CCDC57: variants seen among roughly 807,000 people sequenced by gnomAD.
CCDC57 encodes coiled-coil domain containing 57.
Under a neutral mutation model 118.9 loss-of-function variants are expected in CCDC57, and 118 were observed. That is an observed-to-expected ratio of 0.99 (90% confidence interval 0.86 to 1.16). The LOEUF (loss-of-function observed/expected upper bound fraction) is 1.16, where lower values mean the gene tolerates loss of function less well. Ranked by LOEUF, CCDC57 falls within the 50% of genes most tolerant of loss-of-function variation. The pLI is 0.00. For missense variants in CCDC57, 1,300 were observed against 1,320.7 expected (o/e 0.98, Z 0.24); for synonymous variants, 527 against 532.9 (o/e 0.99, Z 0.15).
chr17:82,179,950 A>G (rs552489814), intron 9 of CCDC57, among the ~76,000 whole-genome samples: 1 of 152,326 alleles, frequency 6.6e-6, no homozygotes, highest in Non-Finnish European at 1.5e-5. Flanking sequence ...GGGGCCACAC[A>G]CTGGGGGCAG....
chr17:82,201,716 C>G, exon 3 of CCDC57: 2 of 1,613,896 alleles, frequency 1.2e-6, no homozygotes, highest in Non-Finnish European at 1.7e-6. Flanking sequence ...TGGGCGAAGG[C>G]GGCGTCATAG....
rs79081259 is a variant in CCDC57, at chr17:82,179,258, C to T, written c.1212-69G>A. The T allele has an allele frequency of 1.9e-3, 2,899 of 1,536,324 alleles. 50 individuals carry two copies. The African/African-American group carries it at 0.035, about 19-fold the overall frequency. On this transcript the variant is annotated intron_variant, in intron 9 of 19. Coordinates refer to ENST00000665763, the Ensembl canonical transcript of CCDC57. ...CCCTTCCACAGGAAAAGCAGAGGCA[C>T]GATGGGAAAGGCAGGGCTGCCGCTG... is the stretch of plus-strand genomic sequence containing the variant.
chr17:82,120,363 T>C (rs1363614852), intron 19 of CCDC57, among the ~76,000 whole-genome samples: 1 of 152,062 alleles, frequency 6.6e-6, no homozygotes, highest in Non-Finnish European at 1.5e-5. Context: ...TGGAACACGT[T>C]TAAAAAAGAG....
rs112737552 is a variant in CCDC57, at chr17:82,186,655, G to T, written c.1052+1564C>A. Among the ~76,000 whole-genome samples the T allele has an allele frequency of 2.0e-4, 31 of 152,278 alleles. 2 individuals carry two copies. The highest frequency in any genetic ancestry group is 7.2e-4 in the African/African-American group (30 of 41,542). ...TTAAACAGAAATACAATTTGTCAGA[G>T]AATTCTCTATCGGTGGTGGCTCATG... On this transcript the variant is annotated intron_variant, in intron 8 of 19. Coordinates refer to ENST00000665763, the Ensembl canonical transcript of CCDC57.
At chr17:82,108,342 C>A (rs987441734) in intron 19 of CCDC57, among the ~76,000 whole-genome samples, 3 of 152,226 alleles carry the variant, frequency 2.0e-5, no homozygotes, top group African/African-American at 7.2e-5. Context: ...CCGGGCTGTT[C>A]TTGCTCCTCG....
intron 2 of CCDC57, among the ~76,000 whole-genome samples, chr17:82,203,053 C>G (rs1019915057): frequency 3.3e-5 from 5 of 152,190 alleles, no homozygotes; most frequent in Admixed American, 3.3e-4. Context: ...TAATCCCCAA[C>G]GGGGGAGCTG....
At chr17:82,116,553 G>A (rs760684026) in intron 19 of CCDC57, among the ~76,000 whole-genome samples, 25 of 152,066 alleles carry the variant, frequency 1.6e-4, no homozygotes, top group Non-Finnish European at 2.4e-4. Context: ...GACATGCTTG[G>A]CCCTCCCCCT....
chr17:82,128,758 C>G (rs2037863915), intron 17 of CCDC57, among the ~76,000 whole-genome samples, 161 bp from the exon 17 acceptor site: 2 of 152,156 alleles, frequency 1.3e-5, no homozygotes, highest in South Asian at 4.1e-4. Flanking sequence ...GACCTGTTTC[C>G]CAGACAGGAG....
intron 15 of CCDC57, chr17:82,154,355 G>C (rs553431620): frequency 3.3e-5 from 5 of 152,390 alleles, no homozygotes; most frequent in African/African-American, 1.2e-4. Context: ...ACCAGCTTTC[G>C]TCAGGAGTGC....
chr17:82,124,177 AG>A (rs1409027133), intron 19 of CCDC57, among the ~76,000 whole-genome samples: 2 of 152,174 alleles, frequency 1.3e-5, no homozygotes, highest in East Asian at 3.9e-4. Context: ...CTCTAAGGCA[AG>A]GGTACACCCT....
chr17:82,188,801 G>A (rs1459669289), intron 7 of CCDC57, among the ~76,000 whole-genome samples: 2 of 152,238 alleles, frequency 1.3e-5, no homozygotes, highest in South Asian at 4.1e-4. Flanking sequence ...CAGCCAGCCA[G>A]GTCTACGGAG....
exon 20 of CCDC57, chr17:82,101,603 C>T (rs1431574227): frequency 2.4e-6 from 3 of 1,248,866 alleles, no homozygotes; most frequent in Admixed American, 4.5e-5. Flanking sequence ...CCACACCCCC[C>T]CACAACACGT....
intron 9 of CCDC57, among the ~76,000 whole-genome samples, chr17:82,180,946 A>C (rs1209122969): frequency 6.6e-6 from 1 of 152,236 alleles, no homozygotes; most frequent in Non-Finnish European, 1.5e-5. Context: ...TGCGGGGCTG[A>C]GGCCCCTCAG....
intron 13 of CCDC57, among the ~76,000 whole-genome samples, chr17:82,164,867 A>T (rs1008932850): frequency 6.6e-6 from 1 of 152,242 alleles, no homozygotes; most frequent in Non-Finnish European, 1.5e-5. Flanking sequence ...TATAAGTCTG[A>T]TACAAACTTT....
At chr17:82,190,249 G>T (rs1483175281) in intron 7 of CCDC57, among the ~76,000 whole-genome samples, 1 of 151,988 alleles carries the variant, frequency 6.6e-6, no homozygotes. Context: ...GACTTCTCAA[G>T]GTTCTTCCCT....
At chr17:82,187,223 C>A (rs1369188118) in intron 8 of CCDC57, among the ~76,000 whole-genome samples, 1 of 122,574 alleles carries the variant, frequency 8.2e-6, no homozygotes, top group Non-Finnish European at 1.6e-5. Flanking sequence ...GGTAACAGAG[C>A]CAGACTCCAT....
chr17:82,138,693 C>T (rs116527993), intron 16 of CCDC57, among the ~76,000 whole-genome samples: 3 of 148,010 alleles, frequency 2.0e-5, no homozygotes, highest in African/African-American at 7.8e-5. Context: ...TGCCCCGGGT[C>T]GGAAGAGACG....
intron 16 of CCDC57, among the ~76,000 whole-genome samples, chr17:82,150,469 A>G (rs2041806826): frequency 6.7e-6 from 1 of 150,080 alleles, no homozygotes; most frequent in Non-Finnish European, 1.5e-5. Context: ...GCGCACACCC[A>G]GAACCTGGCA....
chr17:82,161,875 T>G (rs1368977913), intron 14 of CCDC57, among the ~76,000 whole-genome samples: 2 of 152,044 alleles, frequency 1.3e-5, no homozygotes, highest in African/African-American at 2.4e-5. Flanking sequence ...CACTTTAAAA[T>G]GGCCAAAATG....
Sources: allele counts gnomAD v4.1 joint callset (sites outside exome capture counted in the v4.1 genomes callset), GRCh38; gene constraint gnomAD v4.1.1; transcripts MANE v1.5; gene names NCBI Gene and HGNC (gene_info 2026-07-23, HGNC 2026-07-21).